The following RNF150 variants were observed in gnomAD, a reference collection of about 807,000 sequenced individuals.
The protein encoded by RNF150 is ring finger protein 150.
Under a neutral mutation model 39.3 loss-of-function variants are expected in RNF150, and 24 were observed. The observed-to-expected ratio is 0.61, with a 90% CI of 0.44 to 0.86. The LOEUF (loss-of-function observed/expected upper bound fraction) is 0.86, where lower values mean the gene tolerates loss of function less well. Among genes scored for constraint, RNF150 ranks in the 40% least tolerant of loss-of-function variants. The probability of loss-of-function intolerance (pLI) is 0.00; values close to 1 mark genes in which losing one functional copy is unlikely to be tolerated. For missense variants in RNF150, 502 were observed against 587.8 expected, an observed-to-expected ratio of 0.85 and a Z score of 1.51; for synonymous variants, 255 against 227.3, an observed-to-expected ratio of 1.12 and a Z score of -1.10.
chr4:140,919,314 A>G (rs1730998690), intron 5 of RNF150, among the ~76,000 whole-genome samples: 1 of 143,754 alleles, frequency 7.0e-6, no homozygotes, highest in African/African-American at 2.6e-5. Context: ...AATCTCCTTA[A>G]GCTGATAAGC....
At chr4:141,104,236 C>T (rs915622076) in intron 1 of RNF150, among the ~76,000 whole-genome samples, 3 of 152,116 alleles carry the variant, frequency 2.0e-5, no homozygotes, top group Non-Finnish European at 2.9e-5. Context: ...TGTATTAGAG[C>T]TCAATAGCTG....
chr4:141,094,920 T>C (rs918035101), intron 1 of RNF150, among the ~76,000 whole-genome samples: 1 of 152,202 alleles, frequency 6.6e-6, no homozygotes, highest in Non-Finnish European at 1.5e-5. Flanking sequence ...ACCAAAATGC[T>C]AGAAAATGGA....
At chr4:141,016,967 A>AC (rs1735300798) in intron 1 of RNF150, among the ~76,000 whole-genome samples, 1 of 152,224 alleles carries the variant, frequency 6.6e-6, no homozygotes, top group South Asian at 2.1e-4. Context: ...CCTGGAGGTC[A>AC]CAAAATCTCA....
chr4:141,111,123 A>T (rs752659244), intron 1 of RNF150, among the ~76,000 whole-genome samples: 1 of 152,176 alleles, frequency 6.6e-6, no homozygotes, highest in Non-Finnish European at 1.5e-5. Flanking sequence ...AATTATCAGG[A>T]CAAAAATGTC....
intron 6 of RNF150, among the ~76,000 whole-genome samples, chr4:140,872,870 A>G (rs1283017886): frequency 6.6e-6 from 1 of 152,192 alleles, no homozygotes; most frequent in African/African-American, 2.4e-5. Context: ...TTGAGTCTGG[A>G]GTTTAGAGGA....
chr4:141,017,734 T>C (rs1035493518), intron 1 of RNF150, among the ~76,000 whole-genome samples: 1 of 152,210 alleles, frequency 6.6e-6, no homozygotes, highest in Non-Finnish European at 1.5e-5. Flanking sequence ...TGTTATGTAG[T>C]TGGAATCATA....
chr4:140,925,946 AT>A (rs777372164), intron 5 of RNF150, 30 bp downstream of exon 5: 1 of 1,468,492 alleles, frequency 6.8e-7, no homozygotes, highest in African/African-American at 1.4e-5. Context: ...AAAGACAGAC[AT>A]TATAATGCTG....
chr4:141,199,709 A>T (rs2111214545), intron 1 of RNF150, among the ~76,000 whole-genome samples: 1 of 152,306 alleles, frequency 6.6e-6, no homozygotes. Context: ...CACAATGGGG[A>T]TTTTCAGATT....
At chr4:141,023,914 G>T (rs1217596988) in intron 1 of RNF150, among the ~76,000 whole-genome samples, 1 of 152,040 alleles carries the variant, frequency 6.6e-6, no homozygotes, top group African/African-American at 2.4e-5. Flanking sequence ...ATAGCAATAT[G>T]GCAAGATAAT....
At chr4:141,127,968 G>C (rs763761903) in intron 1 of RNF150, among the ~76,000 whole-genome samples, 12 of 152,168 alleles carry the variant, frequency 7.9e-5, no homozygotes, top group Non-Finnish European at 1.2e-4. Context: ...TAAGCCAAAA[G>C]AAAGTACAAA....
intron 6 of RNF150, among the ~76,000 whole-genome samples, chr4:140,885,881 G>A (rs1039007994): frequency 1.3e-5 from 2 of 152,170 alleles, no homozygotes; most frequent in Admixed American, 1.3e-4. Context: ...TGGGATTACA[G>A]GCGTAAGCCA....
At chr4:141,017,770 T>G (rs1735335202) in intron 1 of RNF150, among the ~76,000 whole-genome samples, 1 of 152,236 alleles carries the variant, frequency 6.6e-6, no homozygotes, top group Non-Finnish European at 1.5e-5. Context: ...TCATATTGCT[T>G]TCTTTCACTT....
intron 1 of RNF150, among the ~76,000 whole-genome samples, chr4:141,208,865 T>C (rs1017469368): frequency 2.0e-5 from 3 of 152,140 alleles, no homozygotes; most frequent in African/African-American, 7.2e-5. Flanking sequence ...TACTGTTTTG[T>C]GGATACTGGC....
At chr4:141,201,437 C>A (rs879826119) in intron 1 of RNF150, among the ~76,000 whole-genome samples, 12 of 152,236 alleles carry the variant, frequency 7.9e-5, no homozygotes, top group Non-Finnish European at 1.3e-4. Context: ...CTACACAGAC[C>A]AGGTATATCT....
chr4:141,017,967 G>A (rs1735343380), intron 1 of RNF150, among the ~76,000 whole-genome samples: 1 of 152,128 alleles, frequency 6.6e-6, no homozygotes, highest in Non-Finnish European at 1.5e-5. Context: ...AAACATCTGT[G>A]TGAAGGTTTT....
intron 1 of RNF150, among the ~76,000 whole-genome samples, chr4:141,180,415 G>A (rs1727887623): frequency 6.6e-6 from 1 of 152,136 alleles, no homozygotes; most frequent in South Asian, 2.1e-4. Flanking sequence ...TGCTACCCCA[G>A]CTAAAAAGAA....
At chr4:141,203,868 A>G (rs1405089274) in intron 1 of RNF150, among the ~76,000 whole-genome samples, 1 of 151,980 alleles carries the variant, frequency 6.6e-6, no homozygotes. Flanking sequence ...AGCACAGTGA[A>G]GAAAAAAAAA....
At chr4:141,030,813 G>T (rs918869311) in intron 1 of RNF150, among the ~76,000 whole-genome samples, 8 of 152,110 alleles carry the variant, frequency 5.3e-5, no homozygotes, top group African/African-American at 1.7e-4. Context: ...GGGGAGAGGA[G>T]CAAATGGAGA....
intron 1 of RNF150, among the ~76,000 whole-genome samples, chr4:141,026,652 A>C (rs1372208520): frequency 6.6e-6 from 1 of 152,218 alleles, no homozygotes; most frequent in Non-Finnish European, 1.5e-5. Context: ...CCCAGGGGTA[A>C]TATGGTATGT....
Sources: allele counts gnomAD v4.1 joint callset (sites outside exome capture counted in the v4.1 genomes callset), GRCh38; gene constraint gnomAD v4.1.1; transcripts MANE v1.5; gene names NCBI Gene and HGNC (gene_info 2026-07-23, HGNC 2026-07-21).